Variants in SLC14A2 observed in about 807,000 individuals in gnomAD.
The protein encoded by SLC14A2 is urea transporter 2.
In SLC14A2, 91 loss-of-function variants were observed where a neutral mutation model predicts 104.6. The ratio of observed to expected loss-of-function variants is 0.87; its 90% CI spans 0.73 to 1.04. The LOEUF (loss-of-function observed/expected upper bound fraction) is 1.04. Ranked by LOEUF, SLC14A2 falls within the 50% of genes least tolerant of loss-of-function variation. The pLI is 0.00. For missense variants in SLC14A2, 1,189 were observed against 1,156.0 expected, an observed-to-expected ratio of 1.03 and a Z score of -0.41; for synonymous variants, 476 against 466.4, an observed-to-expected ratio of 1.02 and a Z score of -0.27.
chr18:45,424,480 G>A (rs2086395436), intron 1 of SLC14A2, among the ~76,000 whole-genome samples: 2 of 152,222 alleles, frequency 1.3e-5, no homozygotes. Context: ...CAGGAAGAAA[G>A]GGGGTAGGGT....
chr18:45,234,561 A>G (rs548430177), intron 1 of SLC14A2, among the ~76,000 whole-genome samples: 1 of 152,340 alleles, frequency 6.6e-6, no homozygotes, highest in South Asian at 2.1e-4. Flanking sequence ...AAGACCAGCA[A>G]TTATTTAAGT....
intron 1 of SLC14A2, among the ~76,000 whole-genome samples, chr18:45,412,209 C>A (rs1376203770): frequency 6.6e-6 from 1 of 152,158 alleles, no homozygotes; most frequent in Non-Finnish European, 1.5e-5. Flanking sequence ...GGGGTGACAG[C>A]TTTGCTGGGA....
At chr18:45,444,385 C>A (rs2086730195) in intron 1 of SLC14A2, among the ~76,000 whole-genome samples, 1 of 152,174 alleles carries the variant, frequency 6.6e-6, no homozygotes, top group Admixed American at 6.5e-5. Context: ...CTGGCTCAGA[C>A]CCCACTCCAG....
chr18:45,441,943 G>T (rs1400369349), intron 1 of SLC14A2, among the ~76,000 whole-genome samples: 1 of 152,186 alleles, frequency 6.6e-6, no homozygotes, highest in Non-Finnish European at 1.5e-5. Flanking sequence ...CATGAAAAAA[G>T]TAGACAACAG....
At chr18:45,382,394 A>G (rs116390165) in intron 1 of SLC14A2, among the ~76,000 whole-genome samples, 2,240 of 152,298 alleles carry the variant, frequency 0.015, 52 homozygotes, top group African/African-American at 0.05. Context: ...GGTCAAGGAC[A>G]ATGGGATTTT....
chr18:45,190,714 A>G, the SLC14A2 span, among the ~76,000 whole-genome samples: 1 of 152,202 alleles, frequency 6.6e-6, no homozygotes, highest in South Asian at 2.1e-4. Flanking sequence ...TTTAGTTTGT[A>G]TAAAGCATCC....
At chr18:45,519,892 A>G (rs1477709342) in intron 2 of SLC14A2, among the ~76,000 whole-genome samples, 2 of 152,178 alleles carry the variant, frequency 1.3e-5, no homozygotes, top group Non-Finnish European at 2.9e-5. Flanking sequence ...CTCCTACACT[A>G]GGAATTAACA....
At chr18:45,401,850 T>A (rs2086099751) in intron 1 of SLC14A2, among the ~76,000 whole-genome samples, 1 of 152,100 alleles carries the variant, frequency 6.6e-6, no homozygotes, top group Non-Finnish European at 1.5e-5. Flanking sequence ...TAGATATGCT[T>A]GATGAGGAAG....
intron 10 of SLC14A2, chr18:45,647,889 T>C: frequency 6.6e-6 from 1 of 152,136 alleles, no homozygotes; most frequent in East Asian, 1.9e-4. Flanking sequence ...CATTGTCAAG[T>C]ACCTGATTGA....
At chr18:45,465,960 A>G (rs934951349) in intron 1 of SLC14A2, among the ~76,000 whole-genome samples, 9 of 152,220 alleles carry the variant, frequency 5.9e-5, no homozygotes, top group African/African-American at 1.9e-4. Context: ...TGTTAATAAC[A>G]AAAACAACAA....
intron 1 of SLC14A2, among the ~76,000 whole-genome samples, chr18:45,390,659 C>T (rs907391228): frequency 1.3e-5 from 2 of 151,992 alleles, no homozygotes; most frequent in African/African-American, 2.4e-5. Flanking sequence ...AGGGTGAATA[C>T]GGAAGGGGTA....
Position 45,393,835 on chromosome 18 carries a change from C to T in SLC14A2, c.-124-89398C>T, listed in dbSNP as rs536536603. On this transcript the variant is annotated intron_variant, in intron 1 of 20. Coordinates refer to the SLC14A2 transcript ENST00000586448. ...CACTGAGTTCTCACTATGGGATATA[C>T]ATATGGGACTCTGATTCTCTGAAAT... Among the ~76,000 whole-genome samples the T allele has an allele frequency of 2.6e-5, 4 of 152,340 alleles. No homozygotes were observed. The South Asian group carries it at 8.3e-4, about 32-fold the overall frequency.
At chr18:45,553,367 A>T (rs2044082221) in intron 2 of SLC14A2, among the ~76,000 whole-genome samples, 2 of 152,154 alleles carry the variant, frequency 1.3e-5, no homozygotes, top group Admixed American at 1.3e-4. Flanking sequence ...CATTCCCTTG[A>T]CCAGCCTAAG....
chr18:45,498,385 A>G (rs1304863516), intron 2 of SLC14A2, among the ~76,000 whole-genome samples: 1 of 152,230 alleles, frequency 6.6e-6, no homozygotes, highest in Non-Finnish European at 1.5e-5. Context: ...ATAAGGATGC[A>G]AAACAGACAG....
intron 1 of SLC14A2, among the ~76,000 whole-genome samples, chr18:45,623,536 T>G (rs1376443263): frequency 6.6e-6 from 1 of 152,174 alleles, no homozygotes; most frequent in Non-Finnish European, 1.5e-5. Context: ...AGGTGAGTGG[T>G]GCTCAGAAGA....
intron 2 of SLC14A2, among the ~76,000 whole-genome samples, chr18:45,587,916 C>A (rs1466801661): frequency 2.0e-5 from 3 of 152,120 alleles, no homozygotes; most frequent in Non-Finnish European, 4.4e-5. Context: ...GAAACAGATG[C>A]CACCGCTATC....
intron 1 of SLC14A2, among the ~76,000 whole-genome samples, chr18:45,346,418 A>C (rs999030020): frequency 6.6e-6 from 1 of 152,124 alleles, no homozygotes; most frequent in Non-Finnish European, 1.5e-5. Context: ...CGGCCTCCCA[A>C]AGTGCTGGGA....
chr18:45,344,227 T>C (rs1039263088), intron 1 of SLC14A2, among the ~76,000 whole-genome samples: 1 of 152,200 alleles, frequency 6.6e-6, no homozygotes, highest in Non-Finnish European at 1.5e-5. Flanking sequence ...ACTTAATTTC[T>C]GTGAGTTTGA....
chr18:45,416,915 G>A (rs1310236917), intron 1 of SLC14A2, among the ~76,000 whole-genome samples: 3 of 152,202 alleles, frequency 2.0e-5, no homozygotes, highest in Non-Finnish European at 4.4e-5. Flanking sequence ...CATCTGAGGA[G>A]GGAAAATGAG....
Sources: gnomAD v4.1 joint callset for allele counts (sites outside exome capture counted in the v4.1 genomes callset) on GRCh38, gnomAD v4.1.1 for gene constraint, MANE v1.5 for transcripts, NCBI Gene and HGNC (gene_info 2026-07-23, HGNC 2026-07-21) for gene names.